BNC2: variants seen among roughly 807,000 people sequenced by gnomAD.
The protein encoded by BNC2 is zinc finger protein basonuclin-2.
In BNC2, 20 loss-of-function variants were observed where a neutral mutation model predicts 76.3. The ratio of observed to expected loss-of-function variants is 0.26; its 90% confidence interval spans 0.18 to 0.38. The LOEUF (loss-of-function observed/expected upper bound fraction) is 0.38. BNC2 is among the 10% of genes least tolerant of loss of function. The pLI, the probability that BNC2 is intolerant of heterozygous loss-of-function variation, is 1.00. For missense variants in BNC2, 1,382 were observed against 1,399.8 expected (o/e 0.99, Z 0.20); for synonymous variants, 582 against 514.8 (o/e 1.13, Z -1.77).
At chr9:16,641,825 A>G (rs554983395) in intron 3 of BNC2, among the ~76,000 whole-genome samples, 1 of 152,342 alleles carries the variant, frequency 6.6e-6, no homozygotes, top group East Asian at 1.9e-4. Flanking sequence ...TCTAAGCTAC[A>G]GCCATCATTC....
At chr9:16,786,786 A>C (rs12377846) in intron 1 of BNC2, among the ~76,000 whole-genome samples, 4,481 of 152,206 alleles carry the variant, frequency 0.029, 89 homozygotes, top group South Asian at 0.049. Context: ...AACCACAAAG[A>C]GTGGCATCCT....
intron 3 of BNC2, among the ~76,000 whole-genome samples, chr9:16,634,180 A>C (rs1821248645): frequency 6.6e-6 from 1 of 152,222 alleles, no homozygotes; most frequent in African/African-American, 2.4e-5. Flanking sequence ...GTGCAAATTC[A>C]ATGGACTTAG....
At chr9:16,504,876 CA>C (rs1450753382) in intron 5 of BNC2, among the ~76,000 whole-genome samples, 1 of 152,152 alleles carries the variant, frequency 6.6e-6, no homozygotes, top group Non-Finnish European at 1.5e-5. Flanking sequence ...CAAAAAACCC[CA>C]CAAAACTGTG....
At chr9:16,545,833 G>A (rs1818465085) in intron 5 of BNC2, among the ~76,000 whole-genome samples, 1 of 152,136 alleles carries the variant, frequency 6.6e-6, no homozygotes, top group African/African-American at 2.4e-5. Flanking sequence ...CCACCTGGAT[G>A]AGGAATCTAC....
intron 3 of BNC2, among the ~76,000 whole-genome samples, chr9:16,692,488 T>C (rs993707425): frequency 6.6e-6 from 1 of 152,056 alleles, no homozygotes; most frequent in Non-Finnish European, 1.5e-5. Context: ...GTTGGCAAGG[T>C]TGAATGAGAT....
chr9:16,662,077 G>C (rs1008361207), intron 3 of BNC2, among the ~76,000 whole-genome samples: 5 of 152,150 alleles, frequency 3.3e-5, no homozygotes, highest in Non-Finnish European at 5.9e-5. Flanking sequence ...TACCAGTTTG[G>C]TTAACCATTC....
At chr9:16,590,878 C>A (rs1460374060) in intron 3 of BNC2, among the ~76,000 whole-genome samples, 2 of 152,134 alleles carry the variant, frequency 1.3e-5, no homozygotes, top group East Asian at 1.9e-4. Context: ...TGTAATGAAT[C>A]TGAAAGCTAA....
chr9:16,773,352 A>T (rs1825878120), intron 1 of BNC2, among the ~76,000 whole-genome samples: 1 of 152,142 alleles, frequency 6.6e-6, no homozygotes, highest in Non-Finnish European at 1.5e-5. Flanking sequence ...ACTCTCAACA[A>T]AAAGCCTTTT....
In BNC2 at chr9:16,596,636, A is replaced by G. The variant is rs112470835; in HGVS notation, c.331-13551T>C. On this transcript the variant is annotated intron_variant, in intron 3 of 6. Coordinates refer to ENST00000380672, the MANE Select transcript of BNC2 (RefSeq NM_017637.6). ...CAAAAGGTAAACAGTAAAAACTACA[A>G]TATATTTTGAACATTTAAGAGAAAG... is the stretch of plus-strand genomic sequence containing the variant. Among the ~76,000 whole-genome samples the G allele has an allele frequency of 1.4e-4, 21 of 152,278 alleles. 1 individual carries two copies. The highest frequency in any genetic ancestry group is 4.8e-4 in the African/African-American group (20 of 41,570).
At chr9:16,601,601 A>G (rs914149173) in intron 3 of BNC2, among the ~76,000 whole-genome samples, 1 of 152,184 alleles carries the variant, frequency 6.6e-6, no homozygotes, top group Non-Finnish European at 1.5e-5. Flanking sequence ...GCAAGATCCT[A>G]CTACACACTC....
chr9:16,441,448 G>C (rs973021522), intron 5 of BNC2, among the ~76,000 whole-genome samples: 1 of 152,166 alleles, frequency 6.6e-6, no homozygotes, highest in Non-Finnish European at 1.5e-5. Context: ...CAGTTTTACT[G>C]TATCTTTGAC....
At chr9:16,750,415 C>G (rs1274970369) in intron 1 of BNC2, among the ~76,000 whole-genome samples, 1 of 152,202 alleles carries the variant, frequency 6.6e-6, no homozygotes, top group East Asian at 1.9e-4. Flanking sequence ...CTTTACCACT[C>G]ATCTCTAAAC....
intron 5 of BNC2, among the ~76,000 whole-genome samples, chr9:16,464,055 C>A (rs945050858): frequency 1.4e-5 from 2 of 141,622 alleles, no homozygotes; most frequent in Non-Finnish European, 3.0e-5. Flanking sequence ...GATTGTGCTA[C>A]CGAACTCCAG....
At chr9:16,745,993 G>A (rs888453001) in intron 1 of BNC2, among the ~76,000 whole-genome samples, 38 of 152,170 alleles carry the variant, frequency 2.5e-4, no homozygotes, top group African/African-American at 8.7e-4. Flanking sequence ...GGCTTCTGCA[G>A]CCTTACACAC....
chr9:16,857,249 G>A (rs1286755882), intron 1 of BNC2, among the ~76,000 whole-genome samples: 1 of 151,938 alleles, frequency 6.6e-6, no homozygotes, highest in Non-Finnish European at 1.5e-5. Context: ...AGGTTGAGGT[G>A]GGCAGATCAC....
At chr9:16,451,803 G>C (rs556381782) in intron 5 of BNC2, among the ~76,000 whole-genome samples, 1 of 152,274 alleles carries the variant, frequency 6.6e-6, no homozygotes, top group East Asian at 1.9e-4. Context: ...TCTCTGTCAA[G>C]TAGGTCTCTT....
At chr9:16,732,867 C>T (rs532505586) in intron 2 of BNC2, among the ~76,000 whole-genome samples, 1 of 152,118 alleles carries the variant, frequency 6.6e-6, no homozygotes, top group Non-Finnish European at 1.5e-5. Flanking sequence ...TTTTGTAATT[C>T]ATTTATTTTA....
intron 5 of BNC2, among the ~76,000 whole-genome samples, chr9:16,524,074 A>G (rs1221303025): frequency 6.6e-6 from 1 of 152,204 alleles, no homozygotes; most frequent in Non-Finnish European, 1.5e-5. Flanking sequence ...TTCAATCTCC[A>G]CCTTTTCCTC....
chr9:16,494,992 A>AATAAT (rs1822356820), intron 5 of BNC2, among the ~76,000 whole-genome samples: 1 of 152,120 alleles, frequency 6.6e-6, no homozygotes, highest in African/African-American at 2.4e-5. Flanking sequence ...AATAAAATAA[A>AATAAT]AGAGTTTGGA....
Sources: gnomAD v4.1 joint callset for allele counts (sites outside exome capture counted in the v4.1 genomes callset) on GRCh38, gnomAD v4.1.1 for gene constraint, MANE v1.5 for transcripts, NCBI Gene and HGNC (gene_info 2026-07-23, HGNC 2026-07-21) for gene names.